ROCK1: variants seen among roughly 807,000 people sequenced by gnomAD.
The protein encoded by ROCK1 is rho-associated protein kinase 1.
A neutral mutation model predicts 196.8 loss-of-function variants in ROCK1; 36 were observed. The ratio of observed to expected loss-of-function variants is 0.18; its 90% CI spans 0.14 to 0.24. The LOEUF is 0.24. ROCK1 is among the 10% of genes least tolerant of loss of function. The pLI is 1.00. For missense variants in ROCK1, 920 were observed against 1,562.0 expected, an observed-to-expected ratio of 0.59 and a Z score of 6.93; for synonymous variants, 443 against 515.9, an observed-to-expected ratio of 0.86 and a Z score of 1.91.
At position 20,949,699 on chromosome 18, in the gene ROCK1, T is replaced by G. The variant is rs1441916798; in HGVS notation, c.*1685A>C. Reference sequence around the variant, plus strand: ...CCAACACACTTTAGCCAGCTTTTCATGTGAACTATTCCCACTCTTGTTTTA... The same window carrying G: ...CCAACACACTTTAGCCAGCTTTTCAGGTGAACTATTCCCACTCTTGTTTTA... On this transcript the variant is annotated 3_prime_UTR_variant, in exon 33 of 33. Coordinates refer to ENST00000399799, the MANE Select transcript of ROCK1 (RefSeq NM_005406.3). 1.3e-5 allele frequency: 2 copies of G among 152,422 alleles called. No homozygotes were observed. The highest frequency in any genetic ancestry group is 2.9e-5 in the Non-Finnish European group (2 of 68,046). 9.4% of individuals were successfully genotyped at this position (152,422 alleles called of 1,614,324 possible).
rs2035560183 is a variant in ROCK1, at chr18:20,984,455, A to G, written c.2385T>C (p.Phe795=). 1.9e-6 allele frequency: 3 copies of G among 1,613,364 alleles called. No individual in the cohort carries two copies. The highest frequency in any genetic ancestry group is 2.2e-5 in the South Asian group (2 of 91,062). ...LLQNELKTQA[F]EADNLKGLEK... Reference sequence around the variant, plus strand: ...CTAAACCTTTTAAATTGTCTGCCTCAAATGCTTGAGTCTTCAATTCATTTT... The same window carrying G: ...CTAAACCTTTTAAATTGTCTGCCTCGAATGCTTGAGTCTTCAATTCATTTT... Residue 795 remains phenylalanine (F), a synonymous_variant, in exon 20 of 33, where the codon TTT becomes TTC. Transcript: ENST00000399799.
chr18:20,991,413 T>TATGC, intron 17 of ROCK1, 87 bp from the exon 18 acceptor site: 1 of 843,816 alleles, frequency 1.2e-6, no homozygotes, highest in East Asian at 2.7e-5. Flanking sequence ...CTGGAAGAGA[T>TATGC]ATGATGCCTT....
At chr18:21,046,317 T>C (rs2143512321) in intron 4 of ROCK1, among the ~76,000 whole-genome samples, 1 of 152,314 alleles carries the variant, frequency 6.6e-6, no homozygotes, top group South Asian at 2.1e-4. Flanking sequence ...TCGTTTAACT[T>C]TTATACCTGC....
At chr18:20,960,251 C>T (rs1402558772) in intron 27 of ROCK1, 45 bp from the exon 28 acceptor site, 2 of 1,188,166 alleles carry the variant, frequency 1.7e-6, no homozygotes, top group African/African-American at 1.5e-5. Flanking sequence ...TAAATTGTAA[C>T]AAAAGAAAAA....
chr18:21,078,371 CACAGAGAGAGAG>C (rs1440308030), intron 1 of ROCK1, among the ~76,000 whole-genome samples: 2 of 144,010 alleles, frequency 1.4e-5, no homozygotes, highest in Non-Finnish European at 3.0e-5. Context: ...CACACACACA[CACAGAGAGAGAG>C]AGAGAGAGAG....
intron 2 of ROCK1, among the ~76,000 whole-genome samples, chr18:21,057,474 T>C (rs2036253485): frequency 6.6e-6 from 1 of 152,192 alleles, no homozygotes; most frequent in Non-Finnish European, 1.5e-5. Context: ...CAATCATATA[T>C]AAACTCTTCA....
At chr18:21,061,047 C>T (rs1380277049) in intron 2 of ROCK1, among the ~76,000 whole-genome samples, 2 of 150,784 alleles carry the variant, frequency 1.3e-5, no homozygotes, top group African/African-American at 4.9e-5. Context: ...CTTCACACAA[C>T]ATGGACAACA....
chr18:20,982,408 C>T (rs1488290404), intron 21 of ROCK1, among the ~76,000 whole-genome samples: 1 of 152,142 alleles, frequency 6.6e-6, no homozygotes, highest in Non-Finnish European at 1.5e-5. Flanking sequence ...CCTGCCACCA[C>T]AATCGGCTAA....
intron 29 of ROCK1, among the ~76,000 whole-genome samples, chr18:20,957,485 CTT>C (rs60294950): frequency 6.9e-6 from 1 of 144,990 alleles, no homozygotes. Flanking sequence ...TTTCCTTTTT[CTT>C]TTTTTTTTTT....
chr18:21,048,724 A>C (rs2036181348), intron 4 of ROCK1, among the ~76,000 whole-genome samples: 8 of 151,802 alleles, frequency 5.3e-5, no homozygotes, highest in Admixed American at 5.2e-4. Flanking sequence ...TAATTTTTTT[A>C]ATTTTTTGTA....
intron 16 of ROCK1, among the ~76,000 whole-genome samples, chr18:21,000,482 CA>C (rs1195807927): frequency 6.6e-6 from 1 of 152,090 alleles, no homozygotes; most frequent in African/African-American, 2.4e-5. Context: ...AGGCTGGACT[CA>C]AACTCCTGAG....
At chr18:21,018,665 C>T (rs1327643145) in intron 12 of ROCK1, among the ~76,000 whole-genome samples, 2 of 151,898 alleles carry the variant, frequency 1.3e-5, no homozygotes, top group Non-Finnish European at 1.5e-5. Context: ...TAATTATTTG[C>T]TTATATTCAA....
At chr18:21,097,287 G>A (rs886112079) in intron 1 of ROCK1, among the ~76,000 whole-genome samples, 25 of 152,180 alleles carry the variant, frequency 1.6e-4, no homozygotes, top group African/African-American at 5.8e-4. Flanking sequence ...ATTTGGATTT[G>A]GGTAGTGCAG....
chr18:20,981,183 A>G (rs1357867993), intron 21 of ROCK1, among the ~76,000 whole-genome samples: 1 of 152,078 alleles, frequency 6.6e-6, no homozygotes, highest in Non-Finnish European at 1.5e-5. Context: ...TCATGGGGTC[A>G]GGAGATCGAA....
intron 22 of ROCK1, among the ~76,000 whole-genome samples, chr18:20,973,757 C>G (rs1216607618): frequency 1.3e-5 from 2 of 150,896 alleles, no homozygotes; most frequent in East Asian, 3.9e-4. Context: ...ATACAATGGA[C>G]AATTTATGAC....
chr18:20,985,056 A>T (rs10221369), intron 19 of ROCK1, among the ~76,000 whole-genome samples: 18,585 of 151,470 alleles, frequency 0.12, 2,131 homozygotes, highest in African/African-American at 0.29. Context: ...AGCCGAGATC[A>T]CGCCACTGCA....
rs1453947521 is a variant in ROCK1 at position 21,036,791 on chromosome 18, AAT to A, written c.1051+2679_1051+2680del. ...CCTGGCCCTATTCATTATTAATATT[AAT>A]ATGTTAAATATGTGGTAACTAGCAA... On this transcript the variant is annotated intron_variant, in intron 9 of 32. Coordinates refer to ENST00000399799, the MANE Select transcript of ROCK1 (RefSeq NM_005406.3). Among the ~76,000 whole-genome samples the A allele has an allele frequency of 3.3e-5, 5 of 152,238 alleles. No homozygotes were observed. In the East Asian group the frequency reaches 9.6e-4, roughly 29 times the overall value.
intron 2 of ROCK1, among the ~76,000 whole-genome samples, chr18:21,057,674 T>A (rs1428238360): frequency 6.6e-6 from 1 of 151,816 alleles, no homozygotes; most frequent in Non-Finnish European, 1.5e-5. Flanking sequence ...ACACAAAAAT[T>A]AGCCGGCACG....
intron 8 of ROCK1, among the ~76,000 whole-genome samples, 195 bp downstream of exon 8, chr18:21,041,902 A>T (rs965473286): frequency 1.4e-4 from 22 of 152,214 alleles, no homozygotes; most frequent in Admixed American, 1.2e-3. Context: ...CTGTATTATT[A>T]TCACAATTTC....
Sources: gnomAD v4.1 joint callset for allele counts (sites outside exome capture counted in the v4.1 genomes callset) on GRCh38, gnomAD v4.1.1 for gene constraint, MANE v1.5 for transcripts, NCBI Gene and HGNC (gene_info 2026-07-23, HGNC 2026-07-21) for gene names.